MTUS2: variants seen among roughly 807,000 people sequenced by gnomAD.
The protein encoded by MTUS2 is microtubule associated scaffold protein 2.
A neutral mutation model predicts 114.1 loss-of-function variants in MTUS2; 40 were observed. The ratio of observed to expected loss-of-function variants is 0.35; its 90% CI spans 0.27 to 0.46. The LOEUF (loss-of-function observed/expected upper bound fraction) is 0.46. Ranked by LOEUF, MTUS2 falls within the 20% of genes least tolerant of loss-of-function variation. The pLI, the probability that MTUS2 is intolerant of heterozygous loss-of-function variation, is 1.00. For synonymous variants in MTUS2, 688 were observed against 672.0 expected (o/e 1.02, Z -0.37); for missense variants, 1,679 against 1,705.4 (o/e 0.98, Z 0.27).
chr13:29,049,348 CG>C (rs900244683), intron 4 of MTUS2, among the ~76,000 whole-genome samples: 9 of 152,106 alleles, frequency 5.9e-5, no homozygotes, highest in African/African-American at 1.7e-4. Flanking sequence ...CTTAGGATAG[CG>C]GGGGGCTGTA....
At chr13:29,080,999 A>G (rs1031779306) in intron 4 of MTUS2, among the ~76,000 whole-genome samples, 2 of 152,216 alleles carry the variant, frequency 1.3e-5, no homozygotes, top group Admixed American at 6.5e-5. Flanking sequence ...GTGCTGGATT[A>G]CAGGCATGAG....
chr13:29,419,861 C>A (rs1275999682), intron 8 of MTUS2, among the ~76,000 whole-genome samples: 2 of 152,112 alleles, frequency 1.3e-5, no homozygotes, highest in African/African-American at 4.8e-5. Context: ...AGCAACCAGC[C>A]AACATCATTA....
chr13:28,822,026 G>A (rs1311599728), intron 1 of MTUS2, among the ~76,000 whole-genome samples: 1 of 152,166 alleles, frequency 6.6e-6, no homozygotes, highest in Non-Finnish European at 1.5e-5. Context: ...AGTAGTGGCA[G>A]GATATTCATT....
At chr13:29,283,858 A>G (rs1230839723) in intron 6 of MTUS2, among the ~76,000 whole-genome samples, 1 of 152,232 alleles carries the variant, frequency 6.6e-6, no homozygotes, top group Non-Finnish European at 1.5e-5. Context: ...GTGAAACTAC[A>G]ATAGATTATG....
rs1002645112 is a variant in MTUS2, at chr13:29,201,954, A to G, written c.2645-79750A>G. On this transcript the variant is annotated intron_variant, in intron 5 of 15. Transcript: ENST00000612955. Reference sequence around the variant, plus strand: ...CCTTAACATTCTTTCTTTCATTTCAACCTTGGTGAATCTGACGATTATGTG... The same window carrying G: ...CCTTAACATTCTTTCTTTCATTTCAGCCTTGGTGAATCTGACGATTATGTG... Among the ~76,000 whole-genome samples, 16 of 151,814 alleles carry G rather than the reference A, an allele frequency of 1.1e-4. 1 individual carries two copies. Among genetic ancestry groups the G allele is most frequent in the Admixed American group, 1.0e-3 (16 of 15,248 alleles).
chr13:29,229,498 A>G (rs1896241436), intron 5 of MTUS2, among the ~76,000 whole-genome samples: 1 of 152,244 alleles, frequency 6.6e-6, no homozygotes, highest in African/African-American at 2.4e-5. Flanking sequence ...AGAGATTCAC[A>G]TGGACCTCTA....
chr13:29,380,208 A>C (rs941372469), intron 8 of MTUS2, among the ~76,000 whole-genome samples: 7 of 152,138 alleles, frequency 4.6e-5, no homozygotes, highest in African/African-American at 1.7e-4. Context: ...TCAGTTCTCA[A>C]GGCACCCCTG....
intron 2 of MTUS2, among the ~76,000 whole-genome samples, chr13:28,941,596 GACA>G (rs1723763206): frequency 6.6e-6 from 1 of 151,996 alleles, no homozygotes; most frequent in African/African-American, 2.4e-5. Flanking sequence ...AGCAATAGAA[GACA>G]ACATTTCTGT....
chr13:29,337,088 A>T (rs931623486), intron 7 of MTUS2, among the ~76,000 whole-genome samples: 4 of 151,880 alleles, frequency 2.6e-5, no homozygotes, highest in African/African-American at 9.7e-5. Context: ...CTCTGTGGGG[A>T]TGGGTTCTGC....
chr13:29,471,411 A>G (rs186079161), intron 9 of MTUS2, among the ~76,000 whole-genome samples: 7 of 152,336 alleles, frequency 4.6e-5, no homozygotes, highest in South Asian at 4.1e-4. Context: ...TTTGCCCGCC[A>G]TGACAGCATC....
chr13:29,251,239 A>G (rs1897112885), intron 5 of MTUS2, among the ~76,000 whole-genome samples: 1 of 151,948 alleles, frequency 6.6e-6, no homozygotes. Flanking sequence ...TATGTAGGCA[A>G]GCCCCTTAAT....
chr13:28,901,889 A>G (rs887832405), intron 2 of MTUS2, among the ~76,000 whole-genome samples: 1 of 152,208 alleles, frequency 6.6e-6, no homozygotes, highest in East Asian at 1.9e-4. Context: ...AACAAACAAA[A>G]ACCTTGATGG....
intron 6 of MTUS2, among the ~76,000 whole-genome samples, chr13:29,320,033 C>T (rs1160988931): frequency 6.6e-6 from 1 of 152,098 alleles, no homozygotes; most frequent in Non-Finnish European, 1.5e-5. Context: ...GTATGAATCA[C>T]CAGAACCTAT....
At chr13:29,124,443 T>A (rs867341194) in intron 5 of MTUS2, among the ~76,000 whole-genome samples, 1 of 152,168 alleles carries the variant, frequency 6.6e-6, no homozygotes, top group Non-Finnish European at 1.5e-5. Flanking sequence ...CAAGTGTTGG[T>A]GAGGATGTGA....
chr13:29,108,652 TA>T lies in MTUS2; in HGVS notation c.2644+7685del, dbSNP rs1173260403. 3.3e-5 allele frequency among the ~76,000 whole-genome samples: 5 copies of T among 152,220 alleles called. No individual in the cohort carries two copies. The East Asian group carries it at 9.7e-4, about 29-fold the overall frequency. ...GAATGGGGAGACAGGATTATGCACA[TA>T]AAGCCATGCAGGGAAATGTTAGCAT... On this transcript the variant is annotated intron_variant, in intron 5 of 15. Transcript: ENST00000612955.
intron 7 of MTUS2, among the ~76,000 whole-genome samples, chr13:29,344,987 C>T (rs1426750576): frequency 6.6e-6 from 1 of 152,178 alleles, no homozygotes; most frequent in Non-Finnish European, 1.5e-5. Context: ...GGTAGGACCC[C>T]AATCCCTTCT....
chr13:29,476,322 T>C (rs1880698917), intron 9 of MTUS2, among the ~76,000 whole-genome samples: 2 of 152,010 alleles, frequency 1.3e-5, no homozygotes, highest in Admixed American at 6.6e-5. Context: ...TATATGTATA[T>C]ATGTATGTGT....
intron 6 of MTUS2, chr13:29,306,867 T>A: frequency 2.0e-6 from 1 of 495,608 alleles, no homozygotes; most frequent in Non-Finnish European, 4.0e-6. Context: ...AAGTAGATAT[T>A]GTGGCCATCA....
chr13:28,829,287 A>T (rs548652111), intron 1 of MTUS2, among the ~76,000 whole-genome samples: 17 of 152,044 alleles, frequency 1.1e-4, no homozygotes, highest in African/African-American at 3.9e-4. Flanking sequence ...GCACTTAGAG[A>T]GGCTGAGACA....
Sources: allele counts gnomAD v4.1 joint callset (sites outside exome capture counted in the v4.1 genomes callset), GRCh38; gene constraint gnomAD v4.1.1; transcripts MANE v1.5; gene names NCBI Gene and HGNC (gene_info 2026-07-23, HGNC 2026-07-21).